Variants in EXO1 observed in about 807,000 individuals in gnomAD.
EXO1 encodes exonuclease 1.
EXO1 carries 69 observed loss-of-function variants against 84.5 expected under a neutral mutation model. That is an observed-to-expected ratio of 0.82 (90% confidence interval 0.67 to 1.00). The LOEUF (loss-of-function observed/expected upper bound fraction) is 1.00, where lower values mean the gene tolerates loss of function less well. Among genes scored for constraint, EXO1 ranks in the 50% least tolerant of loss-of-function variants. The probability of loss-of-function intolerance (pLI) is 0.00; values close to 1 mark genes in which losing one functional copy is unlikely to be tolerated. For synonymous variants in EXO1, 373 were observed against 366.1 expected (o/e 1.02, Z -0.21); for missense variants, 1,045 against 1,000.7 (o/e 1.04, Z -0.60).
At chr1:241,884,141 A>T (rs572878867) in intron 14 of EXO1, among the ~76,000 whole-genome samples, 2 of 152,298 alleles carry the variant, frequency 1.3e-5, no homozygotes, top group South Asian at 2.1e-4. Context: ...TTTCTTGATA[A>T]CTGTCAGTTT....
intron 10 of EXO1, among the ~76,000 whole-genome samples, chr1:241,865,599 A>G (rs954137529): frequency 2.6e-5 from 4 of 152,128 alleles, no homozygotes; most frequent in African/African-American, 7.2e-5. Flanking sequence ...CCCATTACCA[A>G]TTGTAATGTT....
intron 10 of EXO1, among the ~76,000 whole-genome samples, chr1:241,866,109 G>A (rs1334339643): frequency 6.6e-6 from 1 of 152,130 alleles, no homozygotes; most frequent in Non-Finnish European, 1.5e-5. Flanking sequence ...TAGTAATTGT[G>A]AATAACTTAT....
At position 241,879,312 on chromosome 1, in the gene EXO1, C is replaced by G. The variant is rs1558144171; in HGVS notation, c.2078C>G (p.Ser693Cys). ...SLQSSNASKLSQCSSKDSDSE... is the reference protein window; with the variant it reads ...SLQSSNASKLCQCSSKDSDSE... ...CAGAGTTCAAATGCATCAAAGCTTTCTCAGTGCTCTAGTAAGGACTCTGAT... is the reference window on the plus strand; with the variant it reads ...CAGAGTTCAAATGCATCAAAGCTTTGTCAGTGCTCTAGTAAGGACTCTGAT... The change falls in exon 13 of 16, where the codon TCT becomes TGT. Residue 693 changes from serine to cysteine, a missense_variant. Coordinates refer to ENST00000366548, the MANE Select transcript of EXO1 (RefSeq NM_130398.4). 3 of 1,604,924 alleles carry G rather than the reference C, an allele frequency of 1.9e-6. No individual in the cohort carries two copies. The highest frequency in any genetic ancestry group is 2.6e-6 in the Non-Finnish European group (3 of 1,176,214).
rs4150000 is a variant in EXO1, at chr1:241,885,313, G to A, written c.2212-1G>A. On this transcript the variant is annotated splice_acceptor_variant, in intron 14 of 15. Coordinates refer to ENST00000366548, the MANE Select transcript of EXO1 (RefSeq NM_130398.4). LOFTEE classifies it high-confidence loss of function. ...TCTTAAAATGGGTGTTTAATCTTCA[G>A]GTTCCTGGGCTATATAAGTCCAGTT... The A allele has an allele frequency of 1.6e-5, 26 of 1,612,232 alleles. No homozygotes were observed.
intron 7 of EXO1, among the ~76,000 whole-genome samples, chr1:241,858,100 A>T (rs1203255414): frequency 1.3e-5 from 2 of 152,220 alleles, no homozygotes; most frequent in African/African-American, 4.8e-5. Flanking sequence ...GAATTTCTAT[A>T]TTTTCCAAAT....
chr1:241,885,207 A>C, intron 14 of EXO1, 107 bp from the exon 15 acceptor site: 1 of 523,448 alleles, frequency 1.9e-6, no homozygotes, highest in Non-Finnish European at 2.9e-6. Flanking sequence ...AGTCCATCTC[A>C]AAAAGTAAAT....
intron 5 of EXO1, 130 bp from the exon 6 acceptor site, chr1:241,853,228 G>C: frequency 1.1e-6 from 1 of 878,676 alleles, no homozygotes; most frequent in East Asian, 2.5e-5. Flanking sequence ...TCAAGGGCCT[G>C]GTGTGTACTT....
chr1:241,887,423 G>A (rs1337567360), intron 15 of EXO1, among the ~76,000 whole-genome samples: 2 of 152,092 alleles, frequency 1.3e-5, no homozygotes, highest in Non-Finnish European at 2.9e-5. Flanking sequence ...GGTTAATTGA[G>A]ATGTACTTCC....
chr1:241,870,186 AGTTT>A (rs1210011934), intron 11 of EXO1, among the ~76,000 whole-genome samples: 1 of 152,214 alleles, frequency 6.6e-6, no homozygotes, highest in Non-Finnish European at 1.5e-5. Flanking sequence ...ACTGTCAGCA[AGTTT>A]GCGAGTTCTT....
In EXO1 at chr1:241,852,529, T is replaced by TGG. The variant is rs1660731819; in HGVS notation, c.281+118_281+119insGG. 3.4e-6 allele frequency: 3 copies of TGG among 882,794 alleles called. No homozygotes were observed. The African/African-American group carries it at 4.9e-5, about 15-fold the overall frequency. The allele number at this position is 882,794 out of a possible 1,614,324, so 54.7% of individuals were successfully genotyped here. ...GCTCAGTGGCTTGCACCTGTTGTCC[T>TGG]AGGTACTCGGGAGGTTGAGGCAAGA... On this transcript the variant is annotated intron_variant, in intron 5 of 15. Coordinates refer to ENST00000366548, the MANE Select transcript of EXO1 (RefSeq NM_130398.4).
chr1:241,865,179 A>T (rs1251066040), intron 10 of EXO1, among the ~76,000 whole-genome samples: 3 of 25,462 alleles, frequency 1.2e-4, no homozygotes, highest in Non-Finnish European at 7.7e-5. Context: ...CCACAGCATT[A>T]TATATATATA....
At chr1:241,851,258 A>G (rs920928936) in intron 4 of EXO1, among the ~76,000 whole-genome samples, 1 of 152,226 alleles carries the variant, frequency 6.6e-6, no homozygotes, top group East Asian at 1.9e-4. Flanking sequence ...ATGTGTTGTA[A>G]AATTCATTAT....
At position 241,862,768 on chromosome 1, in the gene EXO1, C is replaced by A. The variant is rs551285644; in HGVS notation, c.1041+1266C>A. Among the ~76,000 whole-genome samples, 5 of 152,312 alleles carry A rather than the reference C, an allele frequency of 3.3e-5. No homozygotes were observed. The East Asian group carries it at 7.7e-4, about 24-fold the overall frequency. The stretch of plus-strand genomic sequence containing the variant: ...AAAACTTGGAAATAAACTTTGGCTT[C>A]CATTTCGTTGCTACATCCTCTTGCC... On this transcript the variant is annotated intron_variant, in intron 10 of 15. Coordinates refer to ENST00000366548, the MANE Select transcript of EXO1 (RefSeq NM_130398.4).
rs1190262917 is a variant in EXO1 at position 241,867,058 on chromosome 1, A to G, written c.1267+3A>G. The G allele has an allele frequency of 1.9e-6, 3 of 1,607,962 alleles. No homozygotes were observed. In the African/African-American group the frequency reaches 4.0e-5, roughly 21 times the overall value. ...CATTGTGAAAAGACCAAGAAGTGGT[A>G]CGTATTTCAGTTTTGCAAAATGCTG... On this transcript the variant is annotated splice_donor_region_variant and intron_variant, in intron 11 of 15. Coordinates refer to ENST00000366548, the MANE Select transcript of EXO1 (RefSeq NM_130398.4).
chr1:241,854,171 C>A (rs1457499048), intron 6 of EXO1, among the ~76,000 whole-genome samples: 1 of 152,142 alleles, frequency 6.6e-6, no homozygotes, highest in Non-Finnish European at 1.5e-5. Context: ...GAGTTTCACT[C>A]TTGTTGCCCA....
chr1:241,855,989 T>C lies in EXO1; in HGVS notation c.406-1356T>C, dbSNP rs571820129. Among the ~76,000 whole-genome samples the C allele has an allele frequency of 3.5e-3, 527 of 151,992 alleles. 2 individuals carry two copies. Among genetic ancestry groups the C allele is most frequent in the Admixed American group, 7.7e-3 (117 of 15,288 alleles). On this transcript the variant is annotated intron_variant, in intron 6 of 15. Transcript: ENST00000366548. ...CACACCTCCCTGTAAGCTGAGGGAG[T>C]GGGCTCCGGCCTTGGCCAGCCCAGA...
intron 11 of EXO1, among the ~76,000 whole-genome samples, chr1:241,871,571 A>G (rs1019545846): frequency 2.0e-5 from 3 of 152,238 alleles, no homozygotes; most frequent in Admixed American, 6.5e-5. Context: ...ACTTACGACT[A>G]TATGACATTC....
At chr1:241,880,109 CTCT>C (rs1248834908) in intron 13 of EXO1, among the ~76,000 whole-genome samples, 6 of 151,984 alleles carry the variant, frequency 3.9e-5, no homozygotes, top group Admixed American at 2.6e-4. Flanking sequence ...TTTTCATTTA[CTCT>C]TCTTATTCCT....
At chr1:241,876,400 A>T (rs1468349730) in intron 12 of EXO1, among the ~76,000 whole-genome samples, 1 of 151,786 alleles carries the variant, frequency 6.6e-6, no homozygotes, top group Non-Finnish European at 1.5e-5. Context: ...TGGCCAACAT[A>T]GTGAAACCCC....
Sources: gnomAD v4.1 joint callset for allele counts (sites outside exome capture counted in the v4.1 genomes callset) on GRCh38, gnomAD v4.1.1 for gene constraint, MANE v1.5 for transcripts, NCBI Gene and HGNC (gene_info 2026-07-23, HGNC 2026-07-21) for gene names.